FBH1: variants seen among roughly 807,000 people sequenced by gnomAD.
FBH1 encodes the protein DNA 3'-5' helicase 1.
In FBH1, 43 loss-of-function variants were observed where a neutral mutation model predicts 115.5. The ratio of observed to expected loss-of-function variants is 0.37; its 90% confidence interval spans 0.29 to 0.48. The LOEUF is 0.48. Among genes scored for constraint, FBH1 ranks in the 20% least tolerant of loss-of-function variants. The pLI is 0.99. For synonymous variants in FBH1, 524 were observed against 507.8 expected (o/e 1.03, Z -0.43); for missense variants, 1,001 against 1,337.3 (o/e 0.75, Z 3.92).
In FBH1 at chr10:5,922,733, C is replaced by T. The variant is rs528882725; in HGVS notation, c.2323-888C>T. ...GTGGGGCCCTGGTTGTGTCTGTCTT[C>T]TATGTGGGGCCTGGTGCTGTGTGAG... On this transcript the variant is annotated intron_variant, in intron 15 of 20. Coordinates refer to ENST00000362091, the MANE Select transcript of FBH1 (RefSeq NM_178150.3). Among the ~76,000 whole-genome samples the T allele has an allele frequency of 4.6e-5, 7 of 152,274 alleles. No homozygotes were observed. In the East Asian group the frequency reaches 1.2e-3, roughly 25 times the overall value.
chr10:5,923,746 A>C lies in FBH1; in HGVS notation c.2398+50A>C. 6.5e-7 allele frequency: 1 copy of C among 1,535,512 alleles called. No individual in the cohort carries two copies. Among genetic ancestry groups the C allele is most frequent in the Admixed American group, 1.7e-5 (1 of 57,944 alleles). ...CATTGGAAGGACGCACCCAAGTGAC[A>C]GGGACGAGAAAGAAGCAGGCCCAGT... On this transcript the variant is annotated intron_variant, in intron 16 of 20. Transcript: ENST00000362091. This position sits in a 1 kb window ranked among gnomAD's most constrained non-coding sequence, Gnocchi z 5.7.
intron 2 of FBH1, among the ~76,000 whole-genome samples, chr10:5,905,029 A>C (rs778697447): frequency 6.6e-5 from 10 of 152,230 alleles, no homozygotes; most frequent in Non-Finnish European, 1.5e-4. Context: ...AGGAGTTTGA[A>C]AATGTTCCCT....
Position 5,892,477 on chromosome 10 carries a change from G to A in FBH1, c.1+2131G>A, listed in dbSNP as rs564998035. ...TGATTTTATTTGGAAACTGAATTTG[G>A]ATTCCATCTTTGCCTTTCTGGCTGT... On this transcript the variant is annotated intron_variant, in intron 1 of 20. Transcript: ENST00000362091. 1.2e-4 allele frequency among the ~76,000 whole-genome samples: 18 copies of A among 152,246 alleles called. No homozygotes were observed. In the South Asian group the frequency reaches 3.5e-3, roughly 30 times the overall value.
In FBH1 at chr10:5,923,481, CAA is replaced by C. The variant is rs1832431134; in HGVS notation, c.2323-139_2323-138del. 1 of 665,538 alleles carries C rather than the reference CAA, an allele frequency of 1.5e-6. No homozygotes were observed. The highest frequency in any genetic ancestry group is 2.5e-6 in the Non-Finnish European group (1 of 397,700). 41.2% of individuals were successfully genotyped at this position (665,538 alleles called of 1,614,324 possible). ...TGCCGCCTGTGCTTTGGGTGTCACT[CAA>C]GATCCATTTCCAAGAAACCATCTCA... On this transcript the variant is annotated intron_variant, in intron 15 of 20. Coordinates refer to ENST00000362091, the MANE Select transcript of FBH1 (RefSeq NM_178150.3). The surrounding 1 kb of genome is among the most constrained non-coding windows in gnomAD (Gnocchi z 5.7).
chr10:5,930,455 T>C (rs1046681037), intron 19 of FBH1, among the ~76,000 whole-genome samples: 1 of 152,360 alleles, frequency 6.6e-6, no homozygotes, highest in Admixed American at 6.5e-5. Context: ...TTGTGTAACT[T>C]GTTCTGCCAT....
In FBH1 at chr10:5,917,567, T is replaced by G. The variant is rs1832048353; in HGVS notation, c.1877-23T>G. ...GGGACTGCCTTCCTGGCGTTACAAC[T>G]CCTGCGTCTCTCCTTATTTTAGGCT... On this transcript the variant is annotated intron_variant, in intron 11 of 20. Transcript: ENST00000362091. The surrounding 1 kb of genome is among the most constrained non-coding windows in gnomAD (Gnocchi z 5.6). The G allele has an allele frequency of 3.1e-6, 5 of 1,613,784 alleles. No individual in the cohort carries two copies. Among genetic ancestry groups the G allele is most frequent in the Non-Finnish European group, 4.2e-6 (5 of 1,179,816 alleles).
rs529992390 is a variant in FBH1, at chr10:5,915,082, G to T, written c.1397-321G>T. Among the ~76,000 whole-genome samples the T allele has an allele frequency of 6.6e-6, 1 of 152,166 alleles. No individual in the cohort carries two copies. Among genetic ancestry groups the T allele is most frequent in the South Asian group, 2.1e-4 (1 of 4,816 alleles). ...TAACCCTACCCTCCTATCCTGAGGGGTCCTTTTTGCCCTCGGGAACCCTAC... is the reference window on the plus strand; with the variant it reads ...TAACCCTACCCTCCTATCCTGAGGGTTCCTTTTTGCCCTCGGGAACCCTAC... On this transcript the variant is annotated intron_variant, in intron 8 of 20. Transcript: ENST00000362091. The surrounding 1 kb of genome is among the most constrained non-coding windows in gnomAD (Gnocchi z 5.2).
At chr10:5,930,812 C>T (rs543505919) in intron 19 of FBH1, among the ~76,000 whole-genome samples, 7 of 152,336 alleles carry the variant, frequency 4.6e-5, no homozygotes, top group East Asian at 3.9e-4. Context: ...TGCAGTGGCA[C>T]GATCATGGCT....
chr10:5,929,754 T>C (rs41302974), intron 19 of FBH1: 10,630 of 152,296 alleles, frequency 0.07, 458 homozygotes, highest in Middle Eastern at 0.11. Context: ...CCACGTGTAG[T>C]TTGCTGACCT....
intron 2 of FBH1, among the ~76,000 whole-genome samples, chr10:5,905,540 A>T (rs767890861): frequency 1.2e-4 from 18 of 152,226 alleles, no homozygotes; most frequent in Non-Finnish European, 2.4e-4. Context: ...ATACATAAAT[A>T]AAAAAGAAAT....
In FBH1 at chr10:5,915,219, C is replaced by G. The variant is rs1003921420; in HGVS notation, c.1397-184C>G. On this transcript the variant is annotated intron_variant, in intron 8 of 20. Coordinates refer to ENST00000362091, the MANE Select transcript of FBH1 (RefSeq NM_178150.3). The surrounding 1 kb of genome is among the most constrained non-coding windows in gnomAD (Gnocchi z 5.2). ...GCCTGCCCCAGCTGAGATCCCAGCC[C>G]ACCTTCACCTGGCTTTGAATCTGCT... Among the ~76,000 whole-genome samples, 6 of 152,214 alleles carry G rather than the reference C, an allele frequency of 3.9e-5. No homozygotes were observed. Among genetic ancestry groups the G allele is most frequent in the East Asian group, 3.8e-4 (2 of 5,200 alleles).
rs996880175 is a variant in FBH1, at chr10:5,936,902, T to C, written c.2962-208T>C. Reference sequence around the variant, plus strand: ...TATCTTGACTGGATAAATGACTGTTTCTGAGCTCAGGGAATTTGGGGGTGT... The same window carrying C: ...TATCTTGACTGGATAAATGACTGTTCCTGAGCTCAGGGAATTTGGGGGTGT... On this transcript the variant is annotated intron_variant, in intron 20 of 20. Coordinates refer to ENST00000362091, the MANE Select transcript of FBH1 (RefSeq NM_178150.3). The surrounding 1 kb of genome is among the most constrained non-coding windows in gnomAD (Gnocchi z 5.6). 11 of 624,102 alleles carry C rather than the reference T, an allele frequency of 1.8e-5. No homozygotes were observed. The highest frequency in any genetic ancestry group is 3.0e-5 in the Non-Finnish European group (11 of 361,658). The allele number at this position is 624,102 out of a possible 1,614,324, so 38.7% of individuals were successfully genotyped here.
intron 1 of FBH1, among the ~76,000 whole-genome samples, chr10:5,892,054 C>T (rs1842763539): frequency 7.8e-6 from 1 of 128,308 alleles, no homozygotes. Flanking sequence ...TGAATCTGTC[C>T]CGCAGCTCCT....
At position 5,914,156 on chromosome 10, in the gene FBH1, T is replaced by A. The variant is rs779642256; in HGVS notation, c.1305-22T>A. ...TTTCACGTCTTTCTGTTTTTCTTAC[T>A]TCTCTTTTGTAATGATTATAGCAAG... On this transcript the variant is annotated intron_variant, in intron 7 of 20. Coordinates refer to ENST00000362091, the MANE Select transcript of FBH1 (RefSeq NM_178150.3). The surrounding 1 kb of genome is among the most constrained non-coding windows in gnomAD (Gnocchi z 5.2). 6 of 1,610,070 alleles carry A rather than the reference T, an allele frequency of 3.7e-6. No homozygotes were observed. The South Asian group carries it at 5.5e-5, about 15-fold the overall frequency.
rs543736799 is a variant in FBH1 at position 5,933,054 on chromosome 10, G to A, written c.2830-3402G>A. Among the ~76,000 whole-genome samples the A allele has an allele frequency of 6.6e-6, 1 of 152,208 alleles. No homozygotes were observed. The highest frequency in any genetic ancestry group is 1.5e-5 in the Non-Finnish European group (1 of 67,996). On this transcript the variant is annotated intron_variant, in intron 19 of 20. Coordinates refer to ENST00000362091, the MANE Select transcript of FBH1 (RefSeq NM_178150.3). This position sits in a 1 kb window ranked among gnomAD's most constrained non-coding sequence, Gnocchi z 4.9. The stretch of plus-strand genomic sequence containing the variant: ...TCTAGATGTTGCCAATTTTTTCATG[G>A]AGATTGTTATCACTTTAGAGTCCCA...
At position 5,910,265 on chromosome 10, in the gene FBH1, G is replaced by C. The variant is rs1831496375; in HGVS notation, c.1021-673G>C. Among the ~76,000 whole-genome samples, 1 of 151,408 alleles carries C rather than the reference G, an allele frequency of 6.6e-6. No homozygotes were observed. The highest frequency in any genetic ancestry group is 1.5e-5 in the Non-Finnish European group (1 of 67,946). On this transcript the variant is annotated intron_variant, in intron 5 of 20. Coordinates refer to ENST00000362091, the MANE Select transcript of FBH1 (RefSeq NM_178150.3). The surrounding 1 kb of genome is among the most constrained non-coding windows in gnomAD (Gnocchi z 4.8). ...CCACTGCACTCCAGCCTGTGTGACAGAGTCAGACTTTGTCTCAAAAAAAAA... is the reference window on the plus strand; with the variant it reads ...CCACTGCACTCCAGCCTGTGTGACACAGTCAGACTTTGTCTCAAAAAAAAA...
rs1455121643 is a variant in FBH1 at position 5,906,648 on chromosome 10, AGT to A, written c.753+17_753+18del. On this transcript the variant is annotated intron_variant, in intron 3 of 20. Transcript: ENST00000362091. This position sits in a 1 kb window ranked among gnomAD's most constrained non-coding sequence, Gnocchi z 7.3. ...TGACCCGCTGGTGAGTGAGTGCTGG[AGT>A]CGGGAGATGTTTCCTCTAAAAGCAC... 1 of 1,577,362 alleles carries A rather than the reference AGT, an allele frequency of 6.3e-7. No individual in the cohort carries two copies. The highest frequency in any genetic ancestry group is 1.7e-5 in the Admixed American group (1 of 58,286).
rs1832303357 is a variant in FBH1 at position 5,921,379 on chromosome 10, C to T, written c.2200+22C>T. On this transcript the variant is annotated intron_variant, in intron 14 of 20. Coordinates refer to ENST00000362091, the MANE Select transcript of FBH1 (RefSeq NM_178150.3). The surrounding 1 kb of genome is among the most constrained non-coding windows in gnomAD (Gnocchi z 6.4). ...CAGAGTAAGGCTTTTAGTTACTCTT[C>T]TCTTTTGTGTTACAAAAGTTTTCCT... is the stretch of plus-strand genomic sequence containing the variant. The T allele has an allele frequency of 1.9e-6, 3 of 1,611,668 alleles. No homozygotes were observed. The Admixed American group carries it at 5.1e-5, about 27-fold the overall frequency.
Position 5,937,304 on chromosome 10 carries a change from G to A in FBH1, c.*24G>A, listed in dbSNP as rs754289955. ...GAGGACAAGGCGCACGTTCTCCGCAGTGCAGAGCAGCTTGCCGAGGACCCC... is the reference window on the plus strand; with the variant it reads ...GAGGACAAGGCGCACGTTCTCCGCAATGCAGAGCAGCTTGCCGAGGACCCC... On this transcript the variant is annotated 3_prime_UTR_variant, in exon 21 of 21. Coordinates refer to ENST00000362091, the MANE Select transcript of FBH1 (RefSeq NM_178150.3). The A allele has an allele frequency of 2.0e-6, 3 of 1,520,208 alleles. No homozygotes were observed. Among genetic ancestry groups the A allele is most frequent in the East Asian group, 2.5e-5 (1 of 40,252 alleles). 94.2% of individuals were successfully genotyped at this position (1,520,208 alleles called of 1,614,324 possible). A position where few individuals can be genotyped will look rare whatever the true frequency, so the allele number is the denominator to read the frequency against.
Sources: gnomAD v4.1 joint callset for allele counts (sites outside exome capture counted in the v4.1 genomes callset) on GRCh38, gnomAD v4.1.1 for gene constraint, Gnocchi (gnomAD v3.1) non-coding constraint, MANE v1.5 for transcripts, NCBI Gene and HGNC (gene_info 2026-07-23, HGNC 2026-07-21) for gene names.